The following PARD3 variants were observed in gnomAD, a reference collection of about 807,000 sequenced individuals.
PARD3 encodes the protein partitioning defective 3 homolog.
PARD3 carries 75 observed loss-of-function variants against 155.4 expected under a neutral mutation model. The ratio of observed to expected loss-of-function variants is 0.48; its 90% CI spans 0.40 to 0.58. The LOEUF is 0.58. Ranked by LOEUF, PARD3 falls within the 20% of genes least tolerant of loss-of-function variation. The pLI is 0.00. For synonymous variants in PARD3, 576 were observed against 610.5 expected (o/e 0.94, Z 0.83); for missense variants, 1,642 against 1,721.7 (o/e 0.95, Z 0.82).
At chr10:34,759,030 A>G (rs2134002418) in intron 1 of PARD3, among the ~76,000 whole-genome samples, 1 of 152,362 alleles carries the variant, frequency 6.6e-6, no homozygotes, top group East Asian at 1.9e-4. Context: ...AATCATAGGC[A>G]CTGAAGATAA....
chr10:34,237,552 T>A (rs894527999), intron 22 of PARD3, among the ~76,000 whole-genome samples: 3 of 152,222 alleles, frequency 2.0e-5, no homozygotes, highest in Non-Finnish European at 2.9e-5. Flanking sequence ...TACTCATATG[T>A]AAATTTCCAT....
intron 15 of PARD3, chr10:34,344,898 T>C (rs1172161716): frequency 1.0e-6 from 1 of 985,292 alleles, no homozygotes; most frequent in African/African-American, 1.7e-5. Flanking sequence ...TCTGTCAAGT[T>C]AATTAATGTA....
intron 3 of PARD3, among the ~76,000 whole-genome samples, chr10:34,499,549 TAA>T (rs200204456): frequency 4.9e-5 from 7 of 143,932 alleles, no homozygotes; most frequent in African/African-American, 1.5e-4. Context: ...TTCCTCAGTG[TAA>T]AAAAAAAAAA....
intron 2 of PARD3, among the ~76,000 whole-genome samples, chr10:34,684,517 T>TGAGA (rs2093907326): frequency 1.3e-5 from 2 of 152,046 alleles, no homozygotes; most frequent in African/African-American, 2.4e-5. Flanking sequence ...AGTCCCTACC[T>TGAGA]TGGTGAATGC....
At chr10:34,131,653 A>G (rs1947619558) in intron 22 of PARD3, 70 bp from the exon 23 acceptor site, 8 of 1,361,910 alleles carry the variant, frequency 5.9e-6, no homozygotes, top group Non-Finnish European at 8.3e-6. Context: ...TTGCTAGCAA[A>G]ACATGGCAAC....
At chr10:34,693,995 A>G (rs1425876102) in intron 2 of PARD3, among the ~76,000 whole-genome samples, 1 of 152,166 alleles carries the variant, frequency 6.6e-6, no homozygotes, top group Non-Finnish European at 1.5e-5. Flanking sequence ...CAGGATGAAA[A>G]TCTCAAACAA....
intron 1 of PARD3, among the ~76,000 whole-genome samples, chr10:34,806,845 G>C (rs930714295): frequency 7.9e-5 from 12 of 152,186 alleles, no homozygotes; most frequent in Non-Finnish European, 2.9e-5. Flanking sequence ...ATGCAGAGCA[G>C]GAGTCCCTGC....
intron 2 of PARD3, among the ~76,000 whole-genome samples, chr10:34,519,567 A>C (rs2081999715): frequency 1.3e-5 from 2 of 152,116 alleles, no homozygotes; most frequent in Non-Finnish European, 2.9e-5. Flanking sequence ...TAATCCCAGC[A>C]CTTTGGGAGG....
rs572811083 is a variant in PARD3, at chr10:34,215,487, G to C, written c.3419+54170C>G. On this transcript the variant is annotated intron_variant, in intron 22 of 24. Transcript: ENST00000374788. ...CATAGCACATATGTTTCACAAGAAA[G>C]CGTGGAATTTGCTCTGTGAACATCT... Among the ~76,000 whole-genome samples, 5 of 152,274 alleles carry C rather than the reference G, an allele frequency of 3.3e-5. No individual in the cohort carries two copies. In the South Asian group the frequency reaches 1.0e-3, roughly 32 times the overall value.
chr10:34,475,311 T>A (rs1009283014), intron 3 of PARD3, among the ~76,000 whole-genome samples: 1 of 152,236 alleles, frequency 6.6e-6, no homozygotes, highest in Non-Finnish European at 1.5e-5. Flanking sequence ...TTTTGCTTAA[T>A]AGAAGACATC....
At chr10:34,335,497 T>G (rs1473630364) in intron 18 of PARD3, among the ~76,000 whole-genome samples, 1 of 152,026 alleles carries the variant, frequency 6.6e-6, no homozygotes, top group Non-Finnish European at 1.5e-5. Flanking sequence ...CTTCCTGTGA[T>G]TACTGTCATA....
At chr10:34,205,210 C>A (rs547482947) in intron 22 of PARD3, among the ~76,000 whole-genome samples, 2 of 152,272 alleles carry the variant, frequency 1.3e-5, no homozygotes, top group African/African-American at 2.4e-5. Flanking sequence ...ACATCTGATG[C>A]TGAGGTCACT....
chr10:34,244,265 T>C (rs1008476445), intron 22 of PARD3, among the ~76,000 whole-genome samples: 3 of 152,228 alleles, frequency 2.0e-5, no homozygotes, highest in African/African-American at 7.2e-5. Context: ...TTGTTTACTA[T>C]AAACAGACAT....
chr10:34,138,970 A>T (rs1470367879), intron 22 of PARD3, among the ~76,000 whole-genome samples: 2 of 151,988 alleles, frequency 1.3e-5, no homozygotes, highest in Non-Finnish European at 2.9e-5. Context: ...TCCAAAAAAA[A>T]AAAAGAAAAA....
chr10:34,415,591 A>G (rs1199646122), intron 5 of PARD3, among the ~76,000 whole-genome samples: 1 of 152,176 alleles, frequency 6.6e-6, no homozygotes, highest in African/African-American at 2.4e-5. Flanking sequence ...ACAGCAAAGA[A>G]CGATTCTTAT....
At chr10:34,757,551 A>G (rs1160202773) in intron 1 of PARD3, among the ~76,000 whole-genome samples, 1 of 152,140 alleles carries the variant, frequency 6.6e-6, no homozygotes, top group Non-Finnish European at 1.5e-5. Flanking sequence ...TCTACTAAAA[A>G]TACAAAAAAA....
chr10:34,501,607 C>T (rs2080712471), intron 3 of PARD3, among the ~76,000 whole-genome samples: 1 of 152,116 alleles, frequency 6.6e-6, no homozygotes, highest in Non-Finnish European at 1.5e-5. Flanking sequence ...ATCACTAGGT[C>T]AGATGCTCAT....
chr10:34,329,906 G>GTA (rs745577654), intron 19 of PARD3, among the ~76,000 whole-genome samples: 1 of 152,060 alleles, frequency 6.6e-6, no homozygotes, highest in Non-Finnish European at 1.5e-5. Flanking sequence ...GTATATTAAC[G>GTA]TATATATACA....
At chr10:34,375,275 T>C (rs550261248) in intron 10 of PARD3, among the ~76,000 whole-genome samples, 15 of 152,234 alleles carry the variant, frequency 9.9e-5, no homozygotes, top group South Asian at 2.1e-4. Flanking sequence ...CACCAGGGCA[T>C]TGACAAGTAC....
Sources: gnomAD v4.1 joint callset for allele counts (sites outside exome capture counted in the v4.1 genomes callset) on GRCh38, gnomAD v4.1.1 for gene constraint, MANE v1.5 for transcripts, NCBI Gene and HGNC (gene_info 2026-07-23, HGNC 2026-07-21) for gene names.